Variants in RNF175 observed in about 807,000 individuals in gnomAD.
RNF175 encodes the protein ring finger protein 175.
RNF175 carries 38 observed loss-of-function variants against 50.0 expected under a neutral mutation model. The observed-to-expected ratio is 0.76, with a 90% CI of 0.59 to 1.00. The LOEUF is 1.00. RNF175 is among the 50% of genes least tolerant of loss of function. The probability of loss-of-function intolerance (pLI) is 0.00; values close to 1 mark genes in which losing one functional copy is unlikely to be tolerated. For synonymous variants in RNF175, 155 were observed against 146.1 expected, an observed-to-expected ratio of 1.06 and a Z score of -0.44; for missense variants, 388 against 409.6, an observed-to-expected ratio of 0.95 and a Z score of 0.46.
At chr4:153,717,754 T>C (rs1485352312) in intron 6 of RNF175, among the ~76,000 whole-genome samples, 3 of 152,194 alleles carry the variant, frequency 2.0e-5, no homozygotes, top group Admixed American at 1.3e-4. Flanking sequence ...CATTTCAAAG[T>C]TACTTAGGTC....
chr4:153,749,539 T>C (rs1740176789), intron 2 of RNF175, among the ~76,000 whole-genome samples: 1 of 152,220 alleles, frequency 6.6e-6, no homozygotes, highest in South Asian at 2.1e-4. Flanking sequence ...ATCTTAGACA[T>C]GCACAGACAT....
At chr4:153,757,189 G>T (rs969347470) in intron 1 of RNF175, among the ~76,000 whole-genome samples, 1 of 152,128 alleles carries the variant, frequency 6.6e-6, no homozygotes, top group East Asian at 1.9e-4. Flanking sequence ...ACACCCTTTC[G>T]GTGAGGCCCC....
At chr4:153,720,367 G>A in intron 5 of RNF175, 63 bp from the exon 6 acceptor site, 1 of 1,441,744 alleles carries the variant, frequency 6.9e-7, no homozygotes, top group African/African-American at 1.4e-5. Context: ...CTGGAGTTTG[G>A]AAAATATTTC....
intron 8 of RNF175, among the ~76,000 whole-genome samples, chr4:153,711,988 G>A (rs1024481758): frequency 6.6e-6 from 1 of 152,130 alleles, no homozygotes. Context: ...AAATCCAGAC[G>A]GGGAAATACC....
chr4:153,734,211 T>G (rs1739207977), intron 3 of RNF175, among the ~76,000 whole-genome samples: 4 of 152,210 alleles, frequency 2.6e-5, no homozygotes, highest in Admixed American at 2.6e-4. Flanking sequence ...TTTAACTGGG[T>G]AAATACCCGG....
At chr4:153,743,918 T>C (rs1032590921) in intron 3 of RNF175, among the ~76,000 whole-genome samples, 1 of 151,946 alleles carries the variant, frequency 6.6e-6, no homozygotes, top group Non-Finnish European at 1.5e-5. Context: ...GTAGCCTGAG[T>C]CATCTAAGGT....
intron 3 of RNF175, among the ~76,000 whole-genome samples, chr4:153,732,499 T>C (rs1284941167): frequency 6.6e-6 from 1 of 152,236 alleles, no homozygotes; most frequent in Non-Finnish European, 1.5e-5. Context: ...GGCCCAGTAA[T>C]ATTTTCTAGT....
Position 153,710,440 on chromosome 4 carries a change from A to G in RNF175, c.916T>C (p.Tyr306His). 6.3e-7 allele frequency: 1 copy of G among 1,599,808 alleles called. No individual in the cohort carries two copies. Among genetic ancestry groups the G allele is most frequent in the Non-Finnish European group, 8.5e-7 (1 of 1,172,446 alleles). ...ACCACAGGTTGCCAGGCCACCAAAT[A>G]ACGAAGCCAATCCAGGATTTGTCCA... The part of the protein sequence containing the change: ...LYGQILDWLR[Y>H]LVAWQPVVIG... The change falls in exon 9 of 9, where the codon TAT (tyrosine) becomes CAT (histidine). Residue 306 changes from tyrosine to histidine, a missense_variant. Physicochemically the swap from Tyr to His is moderately conservative, Grantham distance 83 (BLOSUM62 2). Coordinates refer to ENST00000347063, the MANE Select transcript of RNF175 (RefSeq NM_173662.4).
intron 4 of RNF175, among the ~76,000 whole-genome samples, chr4:153,725,939 C>T (rs1439233528): frequency 6.6e-6 from 1 of 152,094 alleles, no homozygotes; most frequent in Non-Finnish European, 1.5e-5. Context: ...TCCTTGCTAC[C>T]CAGACTTACA....
At chr4:153,720,366 GGAAAATAT>G in intron 5 of RNF175, 62 bp from the exon 6 acceptor site, 2 of 1,446,052 alleles carry the variant, frequency 1.4e-6, no homozygotes, top group Non-Finnish European at 1.9e-6. Context: ...GCTGGAGTTT[GGAAAATAT>G]TTCCTGTTGA....
At chr4:153,742,025 C>T (rs187019582) in intron 3 of RNF175, among the ~76,000 whole-genome samples, 42 of 152,230 alleles carry the variant, frequency 2.8e-4, no homozygotes, top group Admixed American at 2.6e-3. Context: ...AATCCCAGCA[C>T]CTTGGGAGGC....
chr4:153,739,259 A>G (rs998914293), intron 3 of RNF175, among the ~76,000 whole-genome samples: 13 of 152,086 alleles, frequency 8.5e-5, no homozygotes, highest in African/African-American at 3.1e-4. Context: ...CGTCTCTACT[A>G]AAAATACAAA....
At chr4:153,758,101 G>T (rs1395392629) in intron 1 of RNF175, among the ~76,000 whole-genome samples, 1 of 152,144 alleles carries the variant, frequency 6.6e-6, no homozygotes, top group Non-Finnish European at 1.5e-5. Context: ...TTCAGGTAGT[G>T]ATAAGGGTGA....
chr4:153,753,838 C>T lies in RNF175; in HGVS notation c.67-2363G>A, dbSNP rs530854238. Among the ~76,000 whole-genome samples, 21 of 151,280 alleles carry T rather than the reference C, an allele frequency of 1.4e-4. No homozygotes were observed. In the South Asian group the frequency reaches 3.8e-3, roughly 28 times the overall value. Reference sequence around the variant, plus strand: ...CCTCTCAAAGTGCTGGGATTACAGGCGTGAGCCACTGTGCCTGGTGTCTTT... The same window carrying T: ...CCTCTCAAAGTGCTGGGATTACAGGTGTGAGCCACTGTGCCTGGTGTCTTT... On this transcript the variant is annotated intron_variant, in intron 1 of 8. Transcript: ENST00000347063.
chr4:153,742,142 C>A lies in RNF175; in HGVS notation c.246+6503G>T, dbSNP rs576029684. 4.6e-5 allele frequency among the ~76,000 whole-genome samples: 7 copies of A among 152,100 alleles called. No individual in the cohort carries two copies. The South Asian group carries it at 1.5e-3, about 32-fold the overall frequency. Reference sequence around the variant, plus strand: ...TAAAAAAATTAGCTAGGAGCAGTGTCAGGCACCTGTAATCCCAGCTACTCA... The same window carrying A: ...TAAAAAAATTAGCTAGGAGCAGTGTAAGGCACCTGTAATCCCAGCTACTCA... On this transcript the variant is annotated intron_variant, in intron 3 of 8. Transcript: ENST00000347063.
chr4:153,723,413 T>A lies in RNF175; in HGVS notation c.447A>T (p.Ala149=). ...WFLLIYKLSY[A]FGVVGYLAIM... ...TCGCCAAGTAACCCACAACACCAAA[T>A]GCATAGCTGAGTTTGTAGATCAAAA... is the stretch of plus-strand genomic sequence containing the variant. Residue 149 remains alanine, a synonymous_variant, in exon 5 of 9, where the codon GCA becomes GCT. Coordinates refer to ENST00000347063, the MANE Select transcript of RNF175 (RefSeq NM_173662.4). The A allele has an allele frequency of 1.2e-6, 2 of 1,608,474 alleles. No individual in the cohort carries two copies. The highest frequency in any genetic ancestry group is 1.7e-6 in the Non-Finnish European group (2 of 1,175,398).
Position 153,753,575 on chromosome 4 carries a change from G to A in RNF175, c.67-2100C>T, listed in dbSNP as rs189145760. On this transcript the variant is annotated intron_variant, in intron 1 of 8. Transcript: ENST00000347063. ...CTCTCTCTCTCTTTTTTTTTTTCCC[G>A]AGGTGGAGTCTTGCTTTTGTCGCCC... Among the ~76,000 whole-genome samples, 4 of 149,150 alleles carry A rather than the reference G, an allele frequency of 2.7e-5. No individual in the cohort carries two copies. In the East Asian group the frequency reaches 7.9e-4, roughly 30 times the overall value.
At chr4:153,719,179 C>T (rs1039635970) in intron 6 of RNF175, among the ~76,000 whole-genome samples, 1 of 152,128 alleles carries the variant, frequency 6.6e-6, no homozygotes, top group Non-Finnish European at 1.5e-5. Context: ...TTGTTCAGCT[C>T]CCATGTACAA....
At chr4:153,746,882 C>T (rs1490237657) in intron 3 of RNF175, among the ~76,000 whole-genome samples, 1 of 152,256 alleles carries the variant, frequency 6.6e-6, no homozygotes. Context: ...CATGTGCCTA[C>T]AGAATTAGCA....
Sources: allele counts gnomAD v4.1 joint callset (sites outside exome capture counted in the v4.1 genomes callset), GRCh38; gene constraint gnomAD v4.1.1; transcripts MANE v1.5; gene names NCBI Gene and HGNC (gene_info 2026-07-23, HGNC 2026-07-21).